TRAPPC9: variants seen among roughly 807,000 people sequenced by gnomAD.
TRAPPC9 encodes IKK2 binding protein.
A neutral mutation model predicts 124.0 loss-of-function variants in TRAPPC9; 83 were observed. The ratio of observed to expected loss-of-function variants is 0.67; its 90% CI spans 0.56 to 0.80. The LOEUF is 0.80. TRAPPC9 is among the 30% of genes least tolerant of loss of function. The pLI is 0.00. For missense variants in TRAPPC9, 1,302 were observed against 1,508.3 expected (o/e 0.86, Z 2.27); for synonymous variants, 638 against 617.5 (o/e 1.03, Z -0.49).
intron 5 of TRAPPC9, among the ~76,000 whole-genome samples, chr8:140,419,026 G>A (rs1564010992): frequency 6.6e-6 from 1 of 152,112 alleles, no homozygotes; most frequent in Non-Finnish European, 1.5e-5. Flanking sequence ...AGGCGCGGTG[G>A]CTCACGCCTG....
At chr8:140,294,676 C>T (rs1193372878) in intron 11 of TRAPPC9, among the ~76,000 whole-genome samples, 1 of 149,240 alleles carries the variant, frequency 6.7e-6, no homozygotes, top group Admixed American at 6.7e-5. Context: ...GGTGTGATCT[C>T]GGCTCACTGC....
chr8:140,270,765 T>C (rs1235071527), intron 15 of TRAPPC9, among the ~76,000 whole-genome samples: 1 of 152,164 alleles, frequency 6.6e-6, no homozygotes, highest in Non-Finnish European at 1.5e-5. Flanking sequence ...GGTGTGTCTA[T>C]GGCAGATGGC....
chr8:140,458,426 G>C (rs761161998), upstream of TRAPPC9: 6 of 1,586,394 alleles, frequency 3.8e-6, no homozygotes, highest in East Asian at 1.4e-4. Context: ...TGCCCCCCAC[G>C]TGGGTGGGTG....
intron 17 of TRAPPC9, among the ~76,000 whole-genome samples, chr8:140,116,895 A>G (rs1313320852): frequency 1.3e-5 from 2 of 151,044 alleles, no homozygotes; most frequent in South Asian, 2.1e-4. Context: ...TTCAGTGAGT[A>G]GGCGGAGTTC....
chr8:139,876,442 TGG>T (rs1296945975), intron 21 of TRAPPC9, among the ~76,000 whole-genome samples: 2 of 152,200 alleles, frequency 1.3e-5, no homozygotes, highest in African/African-American at 4.8e-5. Context: ...AGGCGGCAGC[TGG>T]GGGTCAGGCT....
chr8:139,933,538 C>T (rs1414785655), intron 19 of TRAPPC9: 1 of 152,316 alleles, frequency 6.6e-6, no homozygotes, highest in Admixed American at 6.5e-5. Flanking sequence ...CTTGAGCCCT[C>T]GATCAGACGC....
intron 7 of TRAPPC9, among the ~76,000 whole-genome samples, chr8:140,372,757 G>A (rs539730127): frequency 4.6e-5 from 7 of 152,322 alleles, no homozygotes; most frequent in Non-Finnish European, 7.3e-5. Flanking sequence ...GGCGGTCTAT[G>A]AACAAGCAAG....
chr8:139,917,754 A>G lies in TRAPPC9; in HGVS notation c.2811-7454T>C, dbSNP rs368483749. On this transcript the variant is annotated intron_variant, in intron 19 of 22. Coordinates refer to ENST00000438773, the MANE Select transcript of TRAPPC9 (RefSeq NM_001160372.4). ...CAGAGATGGCAAATGGGAGACGGAG[A>G]AGTCAAAGCCAGGCTGGCAGGAGCC... Among the ~76,000 whole-genome samples, 156 of 152,340 alleles carry G rather than the reference A, an allele frequency of 1.0e-3. 3 individuals are homozygous for G. Among genetic ancestry groups the G allele is most frequent in the African/African-American group, 3.5e-3 (145 of 41,596 alleles).
intron 19 of TRAPPC9, chr8:139,932,176 G>C (rs1833189229): frequency 2.5e-6 from 1 of 392,488 alleles, no homozygotes; most frequent in South Asian, 1.9e-5. Flanking sequence ...ACCTTACAGG[G>C]AGGAACAAGG....
intron 2 of TRAPPC9, among the ~76,000 whole-genome samples, chr8:140,446,949 G>A (rs1209693135): frequency 1.3e-5 from 2 of 152,080 alleles, no homozygotes; most frequent in Non-Finnish European, 2.9e-5. Flanking sequence ...GCACCCTCCC[G>A]CAGCTCCCCT....
At chr8:140,404,566 C>T (rs969091560) in intron 6 of TRAPPC9, among the ~76,000 whole-genome samples, 2 of 152,072 alleles carry the variant, frequency 1.3e-5, no homozygotes, top group Admixed American at 1.3e-4. Context: ...CAAGCAGGTC[C>T]GGAGGCGAGA....
intron 17 of TRAPPC9, among the ~76,000 whole-genome samples, chr8:140,031,347 A>G (rs1271378262): frequency 6.6e-6 from 1 of 152,228 alleles, no homozygotes; most frequent in Non-Finnish European, 1.5e-5. Context: ...CAGCTCTTAT[A>G]TGAACAGTTA....
rs540451264 is a variant in TRAPPC9, at chr8:140,021,969, C to T, written c.2699+1968G>A. ...CCACCTGCACATATCCCAGCAATGG[C>T]GAGGAGCAAAGCGCCCTTTACACGA... is the stretch of plus-strand genomic sequence containing the variant. On this transcript the variant is annotated intron_variant, in intron 18 of 22. Coordinates refer to ENST00000438773, the MANE Select transcript of TRAPPC9 (RefSeq NM_001160372.4). Among the ~76,000 whole-genome samples, 15 of 152,286 alleles carry T rather than the reference C, an allele frequency of 9.8e-5. No homozygotes were observed. In the East Asian group the frequency reaches 1.2e-3, roughly 12 times the overall value.
At chr8:139,938,924 C>T (rs1304983680) in intron 19 of TRAPPC9, among the ~76,000 whole-genome samples, 4 of 152,230 alleles carry the variant, frequency 2.6e-5, no homozygotes, top group South Asian at 4.1e-4. Context: ...GGATTACAGG[C>T]GTGAGCCACC....
chr8:139,769,353 C>G (rs891363422), intron 21 of TRAPPC9, among the ~76,000 whole-genome samples: 4 of 152,196 alleles, frequency 2.6e-5, no homozygotes, highest in African/African-American at 9.7e-5. Context: ...CACTACAACA[C>G]AGCAGCTGAT....
chr8:139,855,778 C>T (rs946665260), intron 21 of TRAPPC9, among the ~76,000 whole-genome samples: 14 of 152,314 alleles, frequency 9.2e-5, no homozygotes, highest in Admixed American at 3.3e-4. Flanking sequence ...ACCTCAGGGC[C>T]GCCCTTGTGA....
At chr8:140,415,646 G>A (rs1169847340) in intron 5 of TRAPPC9, among the ~76,000 whole-genome samples, 1 of 151,780 alleles carries the variant, frequency 6.6e-6, no homozygotes, top group East Asian at 1.9e-4. Flanking sequence ...AGTGCATAGA[G>A]GGCAATTTGT....
In TRAPPC9 at chr8:139,873,860, C is replaced by T. The variant is rs75170767; in HGVS notation, c.3055+12019G>A. Among the ~76,000 whole-genome samples the T allele has an allele frequency of 8.4e-3, 1,278 of 152,328 alleles. 14 individuals are homozygous for T. Among genetic ancestry groups the T allele is most frequent in the African/African-American group, 0.028 (1,167 of 41,562 alleles). On this transcript the variant is annotated intron_variant, in intron 21 of 22. Transcript: ENST00000438773. ...GAACCCCTAGTCCACCTCTGGCCTC[C>T]GGAAACAAACACCAGCCCAGCCACC... is the stretch of plus-strand genomic sequence containing the variant.
chr8:140,395,530 T>C, intron 7 of TRAPPC9, among the ~76,000 whole-genome samples: 1 of 152,220 alleles, frequency 6.6e-6, no homozygotes, highest in East Asian at 1.9e-4. Flanking sequence ...ACTATGGCTA[T>C]AAACATTATA....
Sources: allele counts gnomAD v4.1 joint callset (sites outside exome capture counted in the v4.1 genomes callset), GRCh38; gene constraint gnomAD v4.1.1; transcripts MANE v1.5; gene names NCBI Gene and HGNC (gene_info 2026-07-23, HGNC 2026-07-21).